PTPRK: variants seen among roughly 807,000 people sequenced by gnomAD.
PTPRK encodes the protein protein tyrosine phosphatase receptor type K.
In PTPRK, 75 loss-of-function variants were observed where a neutral mutation model predicts 178.0. That is an observed-to-expected ratio of 0.42 (90% CI 0.35 to 0.51). PTPRK has a LOEUF of 0.51. PTPRK is among the 20% of genes least tolerant of loss of function. The pLI, the probability that PTPRK is intolerant of heterozygous loss-of-function variation, is 0.02. For synonymous variants in PTPRK, 637 were observed against 620.6 expected, an observed-to-expected ratio of 1.03 and a Z score of -0.39; for missense variants, 1,441 against 1,797.8, an observed-to-expected ratio of 0.80 and a Z score of 3.59.
At chr6:128,046,996 T>C (rs1454371596) in intron 13 of PTPRK, among the ~76,000 whole-genome samples, 1 of 152,094 alleles carries the variant, frequency 6.6e-6, no homozygotes, top group South Asian at 2.1e-4. Context: ...AATGAAAGAT[T>C]TGACAAAGGC....
chr6:128,319,694 C>T (rs966484802), intron 3 of PTPRK, among the ~76,000 whole-genome samples: 9 of 152,040 alleles, frequency 5.9e-5, no homozygotes, highest in Non-Finnish European at 1.5e-5. Context: ...CCAGCACTTA[C>T]CAAACACTTC....
chr6:128,193,279 T>TAAAA (rs1554338433), intron 6 of PTPRK, among the ~76,000 whole-genome samples: 4 of 19,406 alleles, frequency 2.1e-4, no homozygotes, highest in African/African-American at 6.4e-4. Flanking sequence ...ATCCAGCTTG[T>TAAAA]GAAAAAAAAA....
rs769252868 is a variant in PTPRK, at chr6:128,369,930, TTTGAAACCATTCAAAAC to T, written c.223+27619_223+27635del. On this transcript the variant is annotated intron_variant, in intron 2 of 29. Transcript: ENST00000368226. ...GTAAGAGAAAAAAAAACATTCAAAC[TTTGAAACCATTCAAAAC>T]TTGAAACCATTCAAAATATTTATGG... 5.1e-3 allele frequency among the ~76,000 whole-genome samples: 773 copies of T among 152,166 alleles called. 3 individuals carry two copies. Among genetic ancestry groups the T allele is most frequent in the Middle Eastern group, 0.01 (3 of 294 alleles).
intron 2 of PTPRK, among the ~76,000 whole-genome samples, chr6:128,331,615 C>T (rs1266314949): frequency 6.6e-6 from 1 of 152,076 alleles, no homozygotes; most frequent in South Asian, 2.1e-4. Flanking sequence ...TTTAATTCTT[C>T]GAGCTTTTAC....
intron 2 of PTPRK, among the ~76,000 whole-genome samples, chr6:128,341,110 T>C (rs1462861985): frequency 6.6e-6 from 1 of 152,120 alleles, no homozygotes; most frequent in Non-Finnish European, 1.5e-5. Context: ...TTTTGCATGC[T>C]TATGGTATGT....
intron 3 of PTPRK, among the ~76,000 whole-genome samples, chr6:128,263,314 T>A (rs922831029): frequency 6.6e-6 from 1 of 152,164 alleles, no homozygotes; most frequent in African/African-American, 2.4e-5. Context: ...CCTGTAGCAG[T>A]AGAACCAGAA....
At chr6:128,035,637 A>C (rs1776084037) in intron 13 of PTPRK, among the ~76,000 whole-genome samples, 1 of 152,230 alleles carries the variant, frequency 6.6e-6, no homozygotes, top group African/African-American at 2.4e-5. Context: ...TGGAAGATTG[A>C]GAGCAAAATC....
chr6:128,226,269 T>A (rs930734100), intron 5 of PTPRK, among the ~76,000 whole-genome samples: 1 of 152,234 alleles, frequency 6.6e-6, no homozygotes, highest in Non-Finnish European at 1.5e-5. Flanking sequence ...GTGAGATTGC[T>A]GTGCAAAGGT....
chr6:128,083,703 T>C lies in PTPRK; in HGVS notation c.1575+12A>G, dbSNP rs181523514. On this transcript the variant is annotated intron_variant, in intron 9 of 29. Transcript: ENST00000368226. ...ATCCACATTTCAATTAACTTCCTTG[T>C]TCTCCCAATACCTCATATTGAGTGA... 1.5e-4 allele frequency: 230 copies of C among 1,499,568 alleles called. No homozygotes were observed. The East Asian group carries it at 2.8e-3, about 18-fold the overall frequency. 92.9% of individuals were successfully genotyped at this position (1,499,568 alleles called of 1,614,324 possible).
chr6:128,044,711 C>T (rs866070636), intron 13 of PTPRK, among the ~76,000 whole-genome samples: 2 of 151,752 alleles, frequency 1.3e-5, no homozygotes, highest in Non-Finnish European at 2.9e-5. Flanking sequence ...ATCCGAAATC[C>T]TTTCAAAATT....
intron 6 of PTPRK, among the ~76,000 whole-genome samples, chr6:128,214,834 G>A (rs924669685): frequency 1.3e-5 from 2 of 151,998 alleles, no homozygotes; most frequent in Admixed American, 6.6e-5. Flanking sequence ...GTCTTACAAC[G>A]GAATGACATC....
chr6:128,087,535 C>T (rs187870487), intron 8 of PTPRK, among the ~76,000 whole-genome samples: 44 of 152,074 alleles, frequency 2.9e-4, no homozygotes, highest in Middle Eastern at 3.4e-3. Flanking sequence ...TTCTTTCTTG[C>T]ATAAATATGC....
chr6:127,995,398 T>C (rs1477553075), intron 18 of PTPRK, 64 bp downstream of exon 18: 2 of 1,482,108 alleles, frequency 1.3e-6, no homozygotes, highest in Non-Finnish European at 1.9e-6. Flanking sequence ...TTATAGGTAA[T>C]AAGCAAAAAG....
chr6:127,986,005 T>G (rs1775931886), intron 21 of PTPRK, 130 bp from the exon 22 acceptor site: 1 of 807,174 alleles, frequency 1.2e-6, no homozygotes, highest in Non-Finnish European at 1.7e-6. Flanking sequence ...GACTATGCCT[T>G]TTCTTAAAAA....
chr6:128,225,000 T>C (rs113825780), intron 5 of PTPRK, among the ~76,000 whole-genome samples: 1,725 of 152,318 alleles, frequency 0.011, 23 homozygotes, highest in Middle Eastern at 0.024. Flanking sequence ...TTTGGTTTTC[T>C]ATTACTTTCA....
intron 22 of PTPRK, 21 bp from the exon 23 acceptor site, chr6:127,983,398 A>G (rs757793601): frequency 3.2e-5 from 51 of 1,609,642 alleles, no homozygotes; most frequent in Admixed American, 1.9e-4. Context: ...ATTAAATTTA[A>G]TGAATTGTAA....
intron 2 of PTPRK, among the ~76,000 whole-genome samples, chr6:128,334,465 T>C (rs1172530564): frequency 6.6e-6 from 1 of 152,194 alleles, no homozygotes; most frequent in East Asian, 1.9e-4. Flanking sequence ...GAAGAACAAC[T>C]AGACCTTACT....
chr6:128,402,003 T>C (rs74650747), intron 1 of PTPRK, among the ~76,000 whole-genome samples: 2,187 of 152,288 alleles, frequency 0.014, 56 homozygotes, highest in African/African-American at 0.05. Flanking sequence ...ACATGTCACA[T>C]TAGGACACAT....
At chr6:128,456,758 T>G (rs1848444670) in intron 1 of PTPRK, among the ~76,000 whole-genome samples, 1 of 152,138 alleles carries the variant, frequency 6.6e-6, no homozygotes, top group Admixed American at 6.6e-5. Context: ...TTAGATGAGA[T>G]TCAAAGTTTT....
Sources: allele counts gnomAD v4.1 joint callset (sites outside exome capture counted in the v4.1 genomes callset), GRCh38; gene constraint gnomAD v4.1.1; transcripts MANE v1.5; gene names NCBI Gene and HGNC (gene_info 2026-07-23, HGNC 2026-07-21).